CNOT6L: variants seen among roughly 807,000 people sequenced by gnomAD.
The protein encoded by CNOT6L is CCR4-NOT transcription complex subunit 6-like.
In CNOT6L, 7 loss-of-function variants were observed where a neutral mutation model predicts 64.0. The observed-to-expected ratio is 0.11, with a 90% CI of 0.06 to 0.21. The LOEUF (loss-of-function observed/expected upper bound fraction) is 0.21, where lower values mean the gene tolerates loss of function less well. CNOT6L is among the 10% of genes least tolerant of loss of function. CNOT6L has a pLI of 1.00. For missense variants in CNOT6L, 245 were observed against 669.0 expected (o/e 0.37, Z 6.99); for synonymous variants, 193 against 243.4 (o/e 0.79, Z 1.93).
chr4:77,788,664 G>A (rs1729741217), intron 1 of CNOT6L, among the ~76,000 whole-genome samples: 1 of 152,084 alleles, frequency 6.6e-6, no homozygotes, highest in South Asian at 2.1e-4. Context: ...GGAGGCAGAC[G>A]CTGCAGTGAG....
intron 1 of CNOT6L, among the ~76,000 whole-genome samples, chr4:77,779,554 A>G (rs1416309703): frequency 1.3e-5 from 2 of 152,152 alleles, no homozygotes; most frequent in African/African-American, 4.8e-5. Context: ...CCTTAAAAAA[A>G]AAAGCTCCAT....
chr4:77,756,015 G>A (rs911956040), intron 5 of CNOT6L, among the ~76,000 whole-genome samples: 4 of 151,460 alleles, frequency 2.6e-5, no homozygotes, highest in Non-Finnish European at 4.4e-5. Context: ...ACAGAGTCAC[G>A]CTCTGTCACC....
chr4:77,800,267 C>A (rs1731364560), intron 1 of CNOT6L, among the ~76,000 whole-genome samples: 1 of 152,032 alleles, frequency 6.6e-6, no homozygotes, highest in Admixed American at 6.6e-5. Flanking sequence ...TTTCGGAGGC[C>A]AAGGTGGGAG....
At chr4:77,798,188 GC>G (rs1463712842) in intron 1 of CNOT6L, among the ~76,000 whole-genome samples, 3 of 152,234 alleles carry the variant, frequency 2.0e-5, no homozygotes, top group South Asian at 4.1e-4. Flanking sequence ...TCAGCCAGGA[GC>G]CTATAGTCCT....
chr4:77,802,693 G>C (rs997969683), intron 1 of CNOT6L, among the ~76,000 whole-genome samples: 1 of 152,158 alleles, frequency 6.6e-6, no homozygotes, highest in African/African-American at 2.4e-5. Context: ...TTGAATTATT[G>C]CATTTAACTT....
At chr4:77,761,620 G>A (rs1726252807) in intron 4 of CNOT6L, among the ~76,000 whole-genome samples, 1 of 152,106 alleles carries the variant, frequency 6.6e-6, no homozygotes, top group African/African-American at 2.4e-5. Context: ...TGGGGAAGAA[G>A]GAAAAATTAT....
intron 1 of CNOT6L, among the ~76,000 whole-genome samples, chr4:77,786,425 G>A (rs933490145): frequency 6.6e-6 from 1 of 152,048 alleles, no homozygotes; most frequent in Non-Finnish European, 1.5e-5. Flanking sequence ...GACCAGCCTG[G>A]TGGCACAGTG....
At chr4:77,792,179 C>T (rs1730228368) in intron 1 of CNOT6L, among the ~76,000 whole-genome samples, 1 of 152,038 alleles carries the variant, frequency 6.6e-6, no homozygotes, top group African/African-American at 2.4e-5. Flanking sequence ...AGTAAGTAAG[C>T]TATGTCTCTT....
intron 9 of CNOT6L, among the ~76,000 whole-genome samples, chr4:77,729,773 A>G (rs1246114387): frequency 4.6e-5 from 7 of 151,890 alleles, no homozygotes; most frequent in African/African-American, 9.7e-5. Context: ...CTATAATTCT[A>G]TGTTTTTTAA....
intron 5 of CNOT6L, among the ~76,000 whole-genome samples, chr4:77,756,173 G>GAAA (rs1725561697): frequency 6.6e-6 from 1 of 151,954 alleles, no homozygotes; most frequent in African/African-American, 2.4e-5. Flanking sequence ...TAGTAGAGAC[G>GAAA]TTTCACCATG....
chr4:77,766,072 T>C (rs1384359391), intron 4 of CNOT6L, among the ~76,000 whole-genome samples: 1 of 152,166 alleles, frequency 6.6e-6, no homozygotes, highest in Non-Finnish European at 1.5e-5. Context: ...AGCTTTTAAG[T>C]AGGGTAAAAT....
chr4:77,782,712 TCAAG>T (rs1403837995), intron 1 of CNOT6L, among the ~76,000 whole-genome samples: 1 of 150,004 alleles, frequency 6.7e-6, no homozygotes, highest in Non-Finnish European at 1.5e-5. Flanking sequence ...ACTCCTGGGC[TCAAG>T]CAATCCTCCT....
At chr4:77,819,905 G>C (rs942472944), upstream of CNOT6L, among the ~76,000 whole-genome samples, 20 of 151,502 alleles carry the variant, frequency 1.3e-4, no homozygotes, top group Non-Finnish European at 2.2e-4. Context: ...GTGACCCCAG[G>C]CGCGCAAGAG....
chr4:77,808,487 GAGAAA>G (rs1732514358), intron 1 of CNOT6L, among the ~76,000 whole-genome samples: 2 of 148,680 alleles, frequency 1.3e-5, no homozygotes, highest in Admixed American at 1.3e-4. Flanking sequence ...AAAAAGAGAA[GAGAAA>G]AGAAGAGAAG....
At chr4:77,754,888 TAAAAAAAA>T in intron 5 of CNOT6L, among the ~76,000 whole-genome samples, 35 of 36,952 alleles carry the variant, frequency 9.5e-4, no homozygotes, top group South Asian at 8.5e-3. Context: ...ACATTAGAAG[TAAAAAAAA>T]AAAAAAAAAA....
At chr4:77,745,116 ATTTAT>A (rs1383616123) in intron 6 of CNOT6L, among the ~76,000 whole-genome samples, 1 of 152,234 alleles carries the variant, frequency 6.6e-6, no homozygotes, top group Non-Finnish European at 1.5e-5. Context: ...TTTTAAGGAA[ATTTAT>A]TTTAATAAAA....
At chr4:77,793,449 G>C (rs987782713) in intron 1 of CNOT6L, among the ~76,000 whole-genome samples, 2 of 152,174 alleles carry the variant, frequency 1.3e-5, no homozygotes, top group Non-Finnish European at 2.9e-5. Flanking sequence ...TTATTTTAGA[G>C]TGGCATAAGC....
intron 10 of CNOT6L, among the ~76,000 whole-genome samples, chr4:77,728,075 C>A (rs918765501): frequency 5.3e-5 from 8 of 152,026 alleles, no homozygotes; most frequent in African/African-American, 1.9e-4. Flanking sequence ...ACCTAAAATG[C>A]AGAAATTATT....
At chr4:77,754,888 T>TAAAAAAAAAAAAAAAAAAAAAAGA (rs1725299344) in intron 5 of CNOT6L, among the ~76,000 whole-genome samples, 1 of 36,956 alleles carries the variant, frequency 2.7e-5, no homozygotes, top group African/African-American at 1.1e-4. Flanking sequence ...ACATTAGAAG[T>TAAAAAAAAAAAAAAAAAAAAAAGA]AAAAAAAAAA....
Sources: allele counts gnomAD v4.1 joint callset (sites outside exome capture counted in the v4.1 genomes callset), GRCh38; gene constraint gnomAD v4.1.1; transcripts MANE v1.5; gene names NCBI Gene and HGNC (gene_info 2026-07-23, HGNC 2026-07-21).